The following KCNIP4 variants were observed in gnomAD, a reference collection of about 807,000 sequenced individuals.
KCNIP4 encodes potassium voltage-gated channel interacting protein 4.
A neutral mutation model predicts 34.0 loss-of-function variants in KCNIP4; 12 were observed. That is an observed-to-expected ratio of 0.35 (90% CI 0.23 to 0.57). KCNIP4 has a LOEUF of 0.57. KCNIP4 is among the 20% of genes least tolerant of loss of function. The pLI is 0.83. For missense variants in KCNIP4, 238 were observed against 311.7 expected (o/e 0.76, Z 1.78); for synonymous variants, 124 against 102.2 (o/e 1.21, Z -1.29).
At chr4:21,458,701 C>A (rs1199706852) in intron 1 of KCNIP4, among the ~76,000 whole-genome samples, 2 of 152,062 alleles carry the variant, frequency 1.3e-5, no homozygotes, top group Non-Finnish European at 2.9e-5. Context: ...TTACTTTAGA[C>A]TTTTCATTCC....
chr4:21,223,900 C>T (rs1427503825), intron 1 of KCNIP4, among the ~76,000 whole-genome samples: 1 of 152,012 alleles, frequency 6.6e-6, no homozygotes, highest in Non-Finnish European at 1.5e-5. Context: ...TCACCTTTAG[C>T]CGCCCACTCC....
At chr4:21,522,216 A>C (rs11944745) in intron 1 of KCNIP4, among the ~76,000 whole-genome samples, 54,691 of 151,898 alleles carry the variant, frequency 0.36, 10,619 homozygotes, top group East Asian at 0.67. Flanking sequence ...GATTCATTTA[A>C]CACTTCAGAG....
rs34874556 is a variant in KCNIP4, at chr4:21,087,146, A to ATGTGTGTGTGTG, written c.62-204449_62-204438dup. ...AGGCATGCACCACCACTGCTGGGTA[A>ATGTGTGTGTGTG]TGTGTGTGTGTGTGTGTGTGTGTGT... On this transcript the variant is annotated intron_variant, in intron 1 of 8. Coordinates refer to ENST00000382152, the MANE Select transcript of KCNIP4 (RefSeq NM_025221.6). 5.4e-3 allele frequency among the ~76,000 whole-genome samples: 603 copies of ATGTGTGTGTGTG among 110,888 alleles called. 5 individuals carry two copies. The highest frequency in any genetic ancestry group is 6.8e-3 in the Non-Finnish European group (385 of 56,652). The allele number at this position is 110,888 out of a possible 152,430, so 72.7% of individuals were successfully genotyped here. A position where few individuals can be genotyped will look rare whatever the true frequency, so the allele number is the denominator to read the frequency against.
In KCNIP4 at chr4:21,399,235, T is replaced by C. The variant is rs548496155; in HGVS notation, c.62-516526A>G. On this transcript the variant is annotated intron_variant, in intron 1 of 8. Coordinates refer to ENST00000382152, the MANE Select transcript of KCNIP4 (RefSeq NM_025221.6). ...GAGCATGGTGTTGCCTTGGCCAGGGTGTAGGTTCTGTTAGGGCATGTGGTC... is the reference window on the plus strand; with the variant it reads ...GAGCATGGTGTTGCCTTGGCCAGGGCGTAGGTTCTGTTAGGGCATGTGGTC... Among the ~76,000 whole-genome samples the C allele has an allele frequency of 2.0e-5, 3 of 151,902 alleles. No homozygotes were observed. The South Asian group carries it at 6.3e-4, about 32-fold the overall frequency.
At chr4:21,505,249 C>T (rs1733738503) in intron 1 of KCNIP4, among the ~76,000 whole-genome samples, 1 of 148,482 alleles carries the variant, frequency 6.7e-6, no homozygotes, top group African/African-American at 2.5e-5. Flanking sequence ...ATTTTCTTAT[C>T]ACATAAAATA....
At chr4:21,852,285 T>C (rs1460787916) in intron 1 of KCNIP4, 1 of 152,136 alleles carries the variant, frequency 6.6e-6, no homozygotes, top group African/African-American at 2.4e-5. Flanking sequence ...TTTGTCCTCA[T>C]TGAGGTTCTG....
intron 1 of KCNIP4, among the ~76,000 whole-genome samples, chr4:21,646,924 T>C (rs1224301426): frequency 1.3e-5 from 2 of 152,246 alleles, no homozygotes; most frequent in African/African-American, 2.4e-5. Context: ...AATTTTATTT[T>C]CCCCCAATTT....
intron 1 of KCNIP4, among the ~76,000 whole-genome samples, chr4:21,518,257 G>T (rs1266385214): frequency 6.6e-6 from 1 of 152,158 alleles, no homozygotes; most frequent in Non-Finnish European, 1.5e-5. Flanking sequence ...GACACAGTAA[G>T]CACGAATGCC....
chr4:21,866,750 A>T (rs934857486), intron 1 of KCNIP4, among the ~76,000 whole-genome samples: 8 of 145,092 alleles, frequency 5.5e-5, no homozygotes, highest in Admixed American at 3.5e-4. Flanking sequence ...TGAATTCCAT[A>T]GTTCAGCCTG....
intron 1 of KCNIP4, among the ~76,000 whole-genome samples, chr4:21,170,980 T>A (rs1753983987): frequency 6.6e-6 from 1 of 152,194 alleles, no homozygotes; most frequent in Admixed American, 6.5e-5. Context: ...AGCTTTGCCT[T>A]AATATGCCAA....
chr4:21,418,150 G>A (rs1253854952), intron 1 of KCNIP4, among the ~76,000 whole-genome samples: 2 of 147,506 alleles, frequency 1.4e-5, no homozygotes, highest in East Asian at 2.0e-4. Flanking sequence ...TTTGTCTATC[G>A]ATCTACACAC....
At chr4:20,862,724 C>T (rs1308793335) in intron 2 of KCNIP4, among the ~76,000 whole-genome samples, 3 of 152,076 alleles carry the variant, frequency 2.0e-5, no homozygotes, top group Admixed American at 6.6e-5. Context: ...AACCTAAATG[C>T]CCATCAGTGG....
chr4:21,345,814 T>G (rs900313251), intron 1 of KCNIP4, among the ~76,000 whole-genome samples: 1 of 151,946 alleles, frequency 6.6e-6, no homozygotes, highest in Non-Finnish European at 1.5e-5. Context: ...TCTGAGGGTG[T>G]TTAAATGACT....
Position 20,887,582 on chromosome 4 carries a change from A to G in KCNIP4, c.62-4873T>C, listed in dbSNP as rs545059867. ...AGAACAGCAGAAACACCAGAAAACA[A>G]TGGAAGAGAATCCTTAAAGTTCTCA... On this transcript the variant is annotated intron_variant, in intron 1 of 8. Coordinates refer to ENST00000382152, the MANE Select transcript of KCNIP4 (RefSeq NM_025221.6). Among the ~76,000 whole-genome samples the G allele has an allele frequency of 2.0e-3, 301 of 152,206 alleles. 1 individual carries two copies. The highest frequency in any genetic ancestry group is 7.0e-3 in the African/African-American group (291 of 41,576).
intron 1 of KCNIP4, among the ~76,000 whole-genome samples, chr4:21,352,397 C>T (rs912103710): frequency 2.6e-5 from 4 of 152,188 alleles, no homozygotes; most frequent in Non-Finnish European, 5.9e-5. Context: ...ATAGACTGTA[C>T]CTGGAAAAAT....
intron 1 of KCNIP4, among the ~76,000 whole-genome samples, chr4:21,750,681 G>C (rs752375720): frequency 2.0e-5 from 3 of 152,198 alleles, no homozygotes; most frequent in Non-Finnish European, 4.4e-5. Flanking sequence ...GCACCTGTAA[G>C]TTCAAACCAT....
chr4:21,909,072 G>A (rs1329081380), intron 1 of KCNIP4, among the ~76,000 whole-genome samples: 1 of 151,902 alleles, frequency 6.6e-6, no homozygotes, highest in Non-Finnish European at 1.5e-5. Context: ...CAGAGTAAAT[G>A]TTCAGTAATC....
chr4:21,289,409 A>G (rs770114598), intron 1 of KCNIP4, among the ~76,000 whole-genome samples: 1 of 152,160 alleles, frequency 6.6e-6, no homozygotes, highest in African/African-American at 2.4e-5. Context: ...CTAACCATGT[A>G]TTTGTACTCA....
chr4:21,182,964 T>C (rs972840525), intron 1 of KCNIP4, among the ~76,000 whole-genome samples: 1 of 152,132 alleles, frequency 6.6e-6, no homozygotes, highest in Non-Finnish European at 1.5e-5. Context: ...TTATTCCTCC[T>C]ATCTAAATGA....
Sources: allele counts gnomAD v4.1 joint callset (sites outside exome capture counted in the v4.1 genomes callset), GRCh38; gene constraint gnomAD v4.1.1; transcripts MANE v1.5; gene names NCBI Gene and HGNC (gene_info 2026-07-23, HGNC 2026-07-21).